CCDC93: variants seen among roughly 807,000 people sequenced by gnomAD.
The protein encoded by CCDC93 is coiled-coil domain-containing protein 93.
Under a neutral mutation model 108.2 loss-of-function variants are expected in CCDC93, and 61 were observed. The ratio of observed to expected loss-of-function variants is 0.56; its 90% confidence interval spans 0.46 to 0.70. The LOEUF (loss-of-function observed/expected upper bound fraction) is 0.70, where lower values mean the gene tolerates loss of function less well. Among genes scored for constraint, CCDC93 ranks in the 30% least tolerant of loss-of-function variants. CCDC93 has a pLI of 0.00. For missense variants in CCDC93, 685 were observed against 764.2 expected, an observed-to-expected ratio of 0.90 and a Z score of 1.22; for synonymous variants, 276 against 260.4, an observed-to-expected ratio of 1.06 and a Z score of -0.58.
chr2:117,968,449 G>T (rs1679658273), intron 11 of CCDC93, among the ~76,000 whole-genome samples: 1 of 152,148 alleles, frequency 6.6e-6, no homozygotes, highest in South Asian at 2.1e-4. Context: ...GTTACCCTTT[G>T]GAAACAATGG....
At chr2:117,993,564 T>C (rs1480772256) in intron 6 of CCDC93, among the ~76,000 whole-genome samples, 2 of 152,212 alleles carry the variant, frequency 1.3e-5, no homozygotes, top group Non-Finnish European at 1.5e-5. Context: ...TCTCTCCTGC[T>C]GCTGGCCTAG....
At chr2:117,955,984 C>A (rs1302023546) in intron 12 of CCDC93, among the ~76,000 whole-genome samples, 1 of 152,076 alleles carries the variant, frequency 6.6e-6, no homozygotes, top group Admixed American at 6.5e-5. Context: ...CAGCTTATCC[C>A]TACAATTTAA....
intron 23 of CCDC93, among the ~76,000 whole-genome samples, chr2:117,921,987 T>C (rs577961136): frequency 2.0e-5 from 3 of 151,596 alleles, no homozygotes; most frequent in African/African-American, 7.3e-5. Context: ...GCTTGAGATG[T>C]ACTTGGGGGG....
At chr2:117,939,197 G>T in intron 19 of CCDC93, 86 bp from the exon 20 acceptor site, 1 of 787,214 alleles carries the variant, frequency 1.3e-6, no homozygotes, top group Non-Finnish European at 2.2e-6. Context: ...TGCACTGCCA[G>T]GACAACTTTG....
intron 14 of CCDC93, among the ~76,000 whole-genome samples, chr2:117,948,534 T>A (rs1321019475): frequency 1.3e-5 from 2 of 152,236 alleles, no homozygotes; most frequent in African/African-American, 4.8e-5. Context: ...AAACTATTTT[T>A]AAAATCCATT....
At chr2:117,937,906 C>T (rs1678573154) in intron 20 of CCDC93, among the ~76,000 whole-genome samples, 1 of 152,172 alleles carries the variant, frequency 6.6e-6, no homozygotes, top group South Asian at 2.1e-4. Context: ...TCTAGGATGA[C>T]AGAGATCTAC....
At position 117,974,575 on chromosome 2, in the gene CCDC93, G is replaced by A. The variant is rs371086450; in HGVS notation, c.801+275C>T. Among the ~76,000 whole-genome samples the A allele has an allele frequency of 2.6e-5, 4 of 152,264 alleles. 1 individual carries two copies. The highest frequency in any genetic ancestry group is 7.2e-5 in the African/African-American group (3 of 41,554). On this transcript the variant is annotated intron_variant, in intron 10 of 23. Transcript: ENST00000376300. ...TGCCTCAGCATGAGGCATAACTCAC[G>A]GGTCAGCTCTAGCTCTTCCGCAGAG...
intron 3 of CCDC93, among the ~76,000 whole-genome samples, chr2:118,002,331 A>G (rs1418311901): frequency 1.3e-5 from 2 of 152,188 alleles, no homozygotes; most frequent in African/African-American, 4.8e-5. Flanking sequence ...GGTGAGAGTT[A>G]TTACTGTCTT....
Position 118,000,839 on chromosome 2 carries a change from G to T in CCDC93, c.345C>A (p.His115Gln). 1 of 1,611,272 alleles carries T rather than the reference G, an allele frequency of 6.2e-7. No individual in the cohort carries two copies. The highest frequency in any genetic ancestry group is 8.5e-7 in the Non-Finnish European group (1 of 1,177,484). The change falls in exon 4 of 24, where the codon CAC becomes CAA. Residue 115 changes from histidine to glutamine, a missense_variant. By Grantham distance (24) the His-to-Gln change is conservative. Transcript: ENST00000376300. The stretch of plus-strand genomic sequence containing the variant: ...CTCTCACCTGAACAACAGGAAATAT[G>T]TGAATAAAATCCATCCCCTGGATCT... ...PHQIQGMDFI[H>Q]IFPVVQWLVK...
chr2:117,917,903 A>G lies in CCDC93; in HGVS notation c.*2440T>C, dbSNP rs1292643419. The G allele has an allele frequency of 1.3e-5, 2 of 152,206 alleles. No homozygotes were observed. The highest frequency in any genetic ancestry group is 2.9e-5 in the Non-Finnish European group (2 of 68,048). 9.4% of individuals were successfully genotyped at this position (152,206 alleles called of 1,614,324 possible). ...TGCCCGCTAGCAACTCCCTGTGCTG[A>G]TTGAGCAGGGAGCCTCTCTCTCCTG... On this transcript the variant is annotated 3_prime_UTR_variant, in exon 24 of 24. Transcript: ENST00000376300.
Position 117,946,897 on chromosome 2 carries a change from T to C in CCDC93, c.1225-15A>G. On this transcript the variant is annotated splice_polypyrimidine_tract_variant and intron_variant, in intron 15 of 23. Transcript: ENST00000376300. ...GTCATCTCCTCCTTTAAAAGTGACATGAACTTTTACAAAATTCAGACAAGG... is the reference window on the plus strand; with the variant it reads ...GTCATCTCCTCCTTTAAAAGTGACACGAACTTTTACAAAATTCAGACAAGG... The C allele has an allele frequency of 2.5e-6, 4 of 1,598,490 alleles. No homozygotes were observed. The highest frequency in any genetic ancestry group is 3.4e-6 in the Non-Finnish European group (4 of 1,165,876).
In CCDC93 at chr2:117,946,840, C is replaced by T. The variant is rs1678887703; in HGVS notation, c.1267G>A (p.Ala423Thr). The change falls in exon 16 of 24, where the codon GCT becomes ACT. Residue 423 changes from alanine to threonine, a missense_variant. Transcript: ENST00000376300. ...RLQQEIENLK[A>T]ERAPRGDEKT... ...TCATCTCCACGTGGTGCTCTCTCAG[C>T]TTTCAGGTTTTCAATTTCTTGCTGT... The T allele has an allele frequency of 6.2e-7, 1 of 1,613,790 alleles. No individual in the cohort carries two copies. The highest frequency in any genetic ancestry group is 8.5e-7 in the Non-Finnish European group (1 of 1,179,626).
rs1680313866 is a variant in CCDC93 at position 117,986,168 on chromosome 2, T to C, written c.520-99A>G. On this transcript the variant is annotated intron_variant, in intron 6 of 23. Coordinates refer to ENST00000376300, the MANE Select transcript of CCDC93 (RefSeq NM_019044.5). ...GCCATGGGGTATATTCTCTTTTTTT[T>C]TTTTTTTTTTTTTTGAGACAGAGTC... 7 of 615,998 alleles carry C rather than the reference T, an allele frequency of 1.1e-5. No homozygotes were observed. The South Asian group carries it at 1.4e-4, about 13-fold the overall frequency. The allele number at this position is 615,998 out of a possible 1,614,324, so 38.2% of individuals were successfully genotyped here.
intron 19 of CCDC93, among the ~76,000 whole-genome samples, chr2:117,940,086 C>T (rs965704242): frequency 2.0e-5 from 3 of 152,166 alleles, no homozygotes; most frequent in African/African-American, 4.8e-5. Flanking sequence ...GGCTACAGCG[C>T]AGTCCAGAAG....
At position 117,975,237 on chromosome 2, in the gene CCDC93, G is replaced by A. The variant is rs1372095143; in HGVS notation, c.701C>T (p.Thr234Ile). 1.9e-6 allele frequency: 3 copies of A among 1,613,690 alleles called. No individual in the cohort carries two copies. Among genetic ancestry groups the A allele is most frequent in the African/African-American group, 2.7e-5 (2 of 74,908 alleles). The change falls in exon 9 of 24, where the codon ACA (threonine) becomes ATA (isoleucine). Residue 234 changes from threonine (T) to isoleucine (I), a missense_variant. Physicochemically the swap from Thr to Ile is moderately conservative, Grantham distance 89. Coordinates refer to ENST00000376300, the MANE Select transcript of CCDC93 (RefSeq NM_019044.5). Reference sequence around the variant, plus strand: ...TTCCTCGTGGGCATCAGCTTTTTCTGTAGCTGACAGCCCTGCTGGAAGTGC... The same window carrying A: ...TTCCTCGTGGGCATCAGCTTTTTCTATAGCTGACAGCCCTGCTGGAAGTGC... The part of the protein sequence containing the change: ...KTALPAGLSA[T>I]EKADAHEEDE...
At chr2:117,956,373 C>A (rs935357033) in intron 12 of CCDC93, among the ~76,000 whole-genome samples, 3 of 152,162 alleles carry the variant, frequency 2.0e-5, no homozygotes, top group Non-Finnish European at 4.4e-5. Flanking sequence ...GTCAGCTGGA[C>A]CAAGAATGAG....
At chr2:117,951,641 A>G (rs1049871815) in intron 13 of CCDC93, 1 of 1,000,276 alleles carries the variant, frequency 1.0e-6, no homozygotes, top group Non-Finnish European at 1.2e-6. Context: ...TAGTACGGCT[A>G]TAGTCCAAGC....
chr2:117,975,484 T>C (rs922199020), intron 8 of CCDC93, among the ~76,000 whole-genome samples: 2 of 152,234 alleles, frequency 1.3e-5, no homozygotes, highest in Admixed American at 6.5e-5. Context: ...GGCAAATGCC[T>C]GTTTCCATGT....
intron 4 of CCDC93, chr2:118,000,613 C>T: frequency 2.0e-6 from 1 of 497,796 alleles, no homozygotes. Flanking sequence ...AAGATCTTAT[C>T]AGGTGACAGC....
Sources: allele counts gnomAD v4.1 joint callset (sites outside exome capture counted in the v4.1 genomes callset), GRCh38; gene constraint gnomAD v4.1.1; transcripts MANE v1.5; gene names NCBI Gene and HGNC (gene_info 2026-07-23, HGNC 2026-07-21).